The following PXDC1 variants were observed in gnomAD, a reference collection of about 807,000 sequenced individuals.
PXDC1 encodes the protein PX domain-containing protein 1.
A neutral mutation model predicts 24.4 loss-of-function variants in PXDC1; 13 were observed. That is an observed-to-expected ratio of 0.53 (90% CI 0.35 to 0.85). The LOEUF is 0.85. Among genes scored for constraint, PXDC1 ranks in the 40% least tolerant of loss-of-function variants. PXDC1 has a pLI of 0.01. For missense variants in PXDC1, 344 were observed against 309.3 expected, an observed-to-expected ratio of 1.11 and a Z score of -0.84; for synonymous variants, 162 against 124.9, an observed-to-expected ratio of 1.30 and a Z score of -1.98.
Position 3,751,328 on chromosome 6 carries a change from G to T in PXDC1, c.204C>A (p.Arg68=). The change falls in exon 1 of 5, where the codon CGC becomes CGA. Residue 68 remains arginine, a synonymous_variant. Coordinates refer to ENST00000380283, the MANE Select transcript of PXDC1 (RefSeq NM_183373.4). The part of the protein sequence containing the change: ...ADLGRLWQRL[R]DAFPEDRSEL... ...CGGACCGGTCCTCGGGAAAGGCGTC[G>T]CGCAGGCGCTGCCACAGGCGGCCCA... 2 of 1,549,952 alleles carry T rather than the reference G, an allele frequency of 1.3e-6. No homozygotes were observed.
At position 3,727,631 on chromosome 6, in the gene PXDC1, T is replaced by G. The variant is rs746721005; in HGVS notation, c.498A>C (p.Ala166=). Residue 166 remains alanine, a synonymous_variant, in exon 4 of 5, where the codon GCA becomes GCC. Transcript: ENST00000380283. ...GGTCAATAACTATTGTTTCGGTATT[T>G]GCTAAACAAAATCCATTGGACCTCA... ...EIMRSNGFCL[A]NTETIVIDHS... The G allele has an allele frequency of 1.2e-6, 2 of 1,613,896 alleles. No individual in the cohort carries two copies. The highest frequency in any genetic ancestry group is 1.3e-5 in the African/African-American group (1 of 75,056).
intron 3 of PXDC1, among the ~76,000 whole-genome samples, chr6:3,731,552 T>A (rs1760196559): frequency 1.3e-5 from 2 of 152,254 alleles, no homozygotes; most frequent in Admixed American, 6.5e-5. Context: ...TGCTCTTCCA[T>A]GGAAACTGAC....
chr6:3,743,077 C>T (rs1164101800), intron 1 of PXDC1, among the ~76,000 whole-genome samples: 1 of 152,212 alleles, frequency 6.6e-6, no homozygotes, highest in African/African-American at 2.4e-5. Flanking sequence ...GGTCCAGAGT[C>T]CCACTTTTTT....
intron 1 of PXDC1, among the ~76,000 whole-genome samples, chr6:3,748,787 T>G (rs1014469464): frequency 2.0e-4 from 30 of 152,104 alleles, no homozygotes; most frequent in African/African-American, 7.2e-4. Flanking sequence ...TAAATGGAAC[T>G]AGAGAATGCA....
At chr6:3,729,155 T>C (rs1760140289) in intron 3 of PXDC1, among the ~76,000 whole-genome samples, 1 of 152,134 alleles carries the variant, frequency 6.6e-6, no homozygotes, top group African/African-American at 2.4e-5. Context: ...TTATTTTTTC[T>C]TACACCTTAC....
chr6:3,744,864 T>G (rs1760530389), intron 1 of PXDC1, among the ~76,000 whole-genome samples: 1 of 152,214 alleles, frequency 6.6e-6, no homozygotes, highest in Non-Finnish European at 1.5e-5. Flanking sequence ...CAGGCTCGGC[T>G]AATTTTTCTA....
In PXDC1 at chr6:3,728,713, C is replaced by T. The variant is rs1260248546; in HGVS notation, c.467-1051G>A. ...TGAGGATCCTTCTCACTCTGAAATCCCATGAACTCCTGGATCGCATCATGC... is the reference window on the plus strand; with the variant it reads ...TGAGGATCCTTCTCACTCTGAAATCTCATGAACTCCTGGATCGCATCATGC... On this transcript the variant is annotated intron_variant, in intron 3 of 4. Coordinates refer to ENST00000380283, the MANE Select transcript of PXDC1 (RefSeq NM_183373.4). This position sits in a 1 kb window ranked among gnomAD's most constrained non-coding sequence, Gnocchi z 4.0. Among the ~76,000 whole-genome samples the T allele has an allele frequency of 6.6e-6, 1 of 152,134 alleles. No individual in the cohort carries two copies. Among genetic ancestry groups the T allele is most frequent in the African/African-American group, 2.4e-5 (1 of 41,420 alleles).
At chr6:3,742,479 C>CCCTG (rs1263936868) in intron 1 of PXDC1, among the ~76,000 whole-genome samples, 2 of 152,158 alleles carry the variant, frequency 1.3e-5, no homozygotes, top group African/African-American at 2.4e-5. Context: ...ATACCGCAGG[C>CCCTG]AGGTGAAGAG....
intron 3 of PXDC1, among the ~76,000 whole-genome samples, chr6:3,735,616 G>T (rs146801507): frequency 2.0e-4 from 31 of 152,332 alleles, no homozygotes; most frequent in African/African-American, 7.0e-4. Context: ...GGAGGGGCCA[G>T]CGGTGGACAG....
intron 3 of PXDC1, among the ~76,000 whole-genome samples, chr6:3,732,001 T>C (rs1760210636): frequency 6.6e-6 from 1 of 152,246 alleles, no homozygotes; most frequent in Admixed American, 6.5e-5. Context: ...CCTTTCCCTT[T>C]GTAGTTAATT....
At chr6:3,746,557 G>T (rs1760575492) in intron 1 of PXDC1, among the ~76,000 whole-genome samples, 1 of 152,270 alleles carries the variant, frequency 6.6e-6, no homozygotes, top group East Asian at 1.9e-4. Context: ...AATGACGCAG[G>T]TGAATTCTGC....
intron 3 of PXDC1, among the ~76,000 whole-genome samples, chr6:3,730,863 G>A (rs959951090): frequency 6.6e-6 from 1 of 152,242 alleles, no homozygotes; most frequent in African/African-American, 2.4e-5. Context: ...GGAGGCACGA[G>A]CAGGTAGGAA....
chr6:3,730,515 TAA>T (rs201115871), intron 3 of PXDC1, among the ~76,000 whole-genome samples: 12 of 144,020 alleles, frequency 8.3e-5, no homozygotes, highest in Admixed American at 1.4e-4. Flanking sequence ...GTCCACAGTT[TAA>T]AAAAAAAAAA....
intron 1 of PXDC1, among the ~76,000 whole-genome samples, chr6:3,746,599 G>A (rs1386436747): frequency 6.6e-6 from 1 of 152,162 alleles, no homozygotes; most frequent in Admixed American, 6.5e-5. Context: ...AAGGCAAAGG[G>A]CAGGCCCAGC....
intron 1 of PXDC1, among the ~76,000 whole-genome samples, chr6:3,747,092 C>T (rs576503102): frequency 7.9e-5 from 12 of 152,130 alleles, no homozygotes; most frequent in South Asian, 4.1e-4. Flanking sequence ...TAAGAGAAAA[C>T]GCTAAAATGC....
At chr6:3,726,837 G>A (rs1760079673) in intron 4 of PXDC1, among the ~76,000 whole-genome samples, 1 of 152,370 alleles carries the variant, frequency 6.6e-6, no homozygotes, top group East Asian at 1.9e-4. Context: ...CTCACCATCT[G>A]TGGTCTTCAA....
chr6:3,746,651 G>A (rs1047814425), intron 1 of PXDC1, among the ~76,000 whole-genome samples: 3 of 152,184 alleles, frequency 2.0e-5, no homozygotes, highest in African/African-American at 7.2e-5. Context: ...GGGCAGAGAT[G>A]GTGCCTCTGT....
At chr6:3,726,814 G>T (rs748322182) in intron 4 of PXDC1, among the ~76,000 whole-genome samples, 5 of 152,232 alleles carry the variant, frequency 3.3e-5, no homozygotes, top group Non-Finnish European at 7.3e-5. Flanking sequence ...ACTCTCAAGC[G>T]GGATGTTTTA....
At position 3,725,254 on chromosome 6, in the gene PXDC1, G is replaced by A. The variant is rs1186432297; in HGVS notation, c.579-1518C>T. On this transcript the variant is annotated intron_variant, in intron 4 of 4. Coordinates refer to ENST00000380283, the MANE Select transcript of PXDC1 (RefSeq NM_183373.4). The surrounding 1 kb of genome is among the most constrained non-coding windows in gnomAD (Gnocchi z 4.8). Reference sequence around the variant, plus strand: ...CCCGTCCTCCCTGCCCAGATCACAGGATGACCCTGAGGACATGAGGAGGGA... The same window carrying A: ...CCCGTCCTCCCTGCCCAGATCACAGAATGACCCTGAGGACATGAGGAGGGA... Among the ~76,000 whole-genome samples, 1 of 152,188 alleles carries A rather than the reference G, an allele frequency of 6.6e-6. No homozygotes were observed. Among genetic ancestry groups the A allele is most frequent in the Non-Finnish European group, 1.5e-5 (1 of 68,024 alleles).
Sources: allele counts gnomAD v4.1 joint callset (sites outside exome capture counted in the v4.1 genomes callset), GRCh38; gene constraint gnomAD v4.1.1; non-coding constraint Gnocchi (gnomAD v3.1); transcripts MANE v1.5; gene names NCBI Gene and HGNC (gene_info 2026-07-23, HGNC 2026-07-21).